The following UNKL variants were observed in gnomAD, a reference collection of about 807,000 sequenced individuals.
UNKL encodes putative E3 ubiquitin-protein ligase UNKL.
In UNKL, 60 loss-of-function variants were observed where a neutral mutation model predicts 78.0. The ratio of observed to expected loss-of-function variants is 0.77; its 90% confidence interval spans 0.63 to 0.95. UNKL has a LOEUF of 0.95. Ranked by LOEUF, UNKL falls within the 40% of genes least tolerant of loss-of-function variation. The probability of loss-of-function intolerance (pLI) is 0.00; values close to 1 mark genes in which losing one functional copy is unlikely to be tolerated. For missense variants in UNKL, 1,159 were observed against 1,045.7 expected (o/e 1.11, Z -1.49); for synonymous variants, 608 against 474.8 (o/e 1.28, Z -3.65).
At chr16:1,410,267 G>GAAA (rs57597459) in intron 2 of UNKL, among the ~76,000 whole-genome samples, 18 of 101,448 alleles carry the variant, frequency 1.8e-4, no homozygotes, top group African/African-American at 6.3e-4. Flanking sequence ...CCCTGTCTCA[G>GAAA]AAAAAAAAAA....
rs140321695 is a variant in UNKL, at chr16:1,399,622, G to A, written c.599-113C>T. ...CCCCAAATGGAAGGGGCTGCAGGAG[G>A]ACTTGGGGAGCGCAGACACACGCCA... On this transcript the variant is annotated intron_variant, in intron 4 of 14. Coordinates refer to ENST00000389221, the MANE Select transcript of UNKL (RefSeq NM_001372107.1). The surrounding 1 kb of genome is among the most constrained non-coding windows in gnomAD (Gnocchi z 5.8). The A allele has an allele frequency of 1.9e-5, 28 of 1,477,892 alleles. No homozygotes were observed. The highest frequency in any genetic ancestry group is 1.6e-4 in the South Asian group (13 of 82,126). 91.5% of individuals were successfully genotyped at this position (1,477,892 alleles called of 1,614,324 possible).
rs550525868 is a variant in UNKL at position 1,385,599 on chromosome 16, C to G, written c.1087-214G>C. 2.0e-5 allele frequency among the ~76,000 whole-genome samples: 3 copies of G among 152,360 alleles called. No individual in the cohort carries two copies. In the South Asian group the frequency reaches 6.2e-4, roughly 32 times the overall value. On this transcript the variant is annotated intron_variant, in intron 9 of 14. Coordinates refer to ENST00000389221, the MANE Select transcript of UNKL (RefSeq NM_001372107.1). Reference sequence around the variant, plus strand: ...CGGGCTACGGTGCACTTGGGACAGGCACAGACACCTCTGGGGAGTGTCTCG... The same window carrying G: ...CGGGCTACGGTGCACTTGGGACAGGGACAGACACCTCTGGGGAGTGTCTCG...
At chr16:1,398,679 G>GCGGGGC in intron 5 of UNKL, 4 of 1,356,294 alleles carry the variant, frequency 2.9e-6, no homozygotes, top group Non-Finnish European at 2.9e-6. Context: ...TGTGGGGTCT[G>GCGGGGC]CACCCCCCCA....
chr16:1,396,921 C>T lies in UNKL; in HGVS notation c.852+257G>A. 7.9e-6 allele frequency: 4 copies of T among 507,992 alleles called. No homozygotes were observed. The East Asian group carries it at 1.4e-4, about 18-fold the overall frequency. The allele number at this position is 507,992 out of a possible 1,614,324, so 31.5% of individuals were successfully genotyped here. The stretch of plus-strand genomic sequence containing the variant: ...GTTTTTAATTGACATTTTCTCTCTG[C>T]TTTTTTCCCACATGACTCTTTCTTC... On this transcript the variant is annotated intron_variant, in intron 6 of 14. Coordinates refer to ENST00000389221, the MANE Select transcript of UNKL (RefSeq NM_001372107.1).
rs1846532933 is a variant in UNKL at position 1,399,702 on chromosome 16, G to A, written c.599-193C>T. The A allele has an allele frequency of 1.2e-6, 1 of 813,546 alleles. No homozygotes were observed. The highest frequency in any genetic ancestry group is 1.9e-6 in the Non-Finnish European group (1 of 530,092). 50.4% of individuals were successfully genotyped at this position (813,546 alleles called of 1,614,324 possible). ...CTCCATGAGGGAAGCCGGGCCAGAA[G>A]GCCACGTGGTGTGATTCTGTTTATG... is the stretch of plus-strand genomic sequence containing the variant. On this transcript the variant is annotated intron_variant, in intron 4 of 14. Transcript: ENST00000389221. The surrounding 1 kb of genome is among the most constrained non-coding windows in gnomAD (Gnocchi z 5.8).
chr16:1,402,071 G>A (rs1051695307), intron 3 of UNKL, among the ~76,000 whole-genome samples: 3 of 152,358 alleles, frequency 2.0e-5, no homozygotes, highest in East Asian at 1.9e-4. Context: ...CCCCACCCAA[G>A]TAAGAGCGGA....
In UNKL at chr16:1,388,756, C is replaced by T. The variant is rs542354590; in HGVS notation, c.1086+1876G>A. On this transcript the variant is annotated intron_variant, in intron 9 of 14. Coordinates refer to ENST00000389221, the MANE Select transcript of UNKL (RefSeq NM_001372107.1). The stretch of plus-strand genomic sequence containing the variant: ...ACCGGCACCGTTCTCCCCGTGGGGA[C>T]GCCACACCTCCGCTACCACCAGCAC... 2.8e-3 allele frequency among the ~76,000 whole-genome samples: 420 copies of T among 152,120 alleles called. 7 individuals are homozygous for T. Among genetic ancestry groups the T allele is most frequent in the African/African-American group, 9.8e-3 (405 of 41,486 alleles).
Position 1,367,818 on chromosome 16 carries a change from G to A in UNKL, c.1626C>T (p.Ser542=), listed in dbSNP as rs374753897. The A allele has an allele frequency of 2.9e-5, 45 of 1,575,260 alleles. No individual in the cohort carries two copies. Among genetic ancestry groups the A allele is most frequent in the Middle Eastern group, 1.7e-4 (1 of 6,018 alleles). Reference sequence around the variant, plus strand: ...GGGAGGGGCTGGGGGAGAAGCTGCCGGAAACAAAGTCCCAGATGCTCCCGG... The same window carrying A: ...GGGAGGGGCTGGGGGAGAAGCTGCCAGAAACAAAGTCCCAGATGCTCCCGG... ...GVPGSIWDFV[S]GSFSPSPSPI... The change falls in exon 13 of 15, where the codon TCC becomes TCT. Residue 542 remains serine (S), a synonymous_variant. Transcript: ENST00000389221.
intron 13 of UNKL, 60 bp downstream of exon 13, chr16:1,367,596 C>T: frequency 7.9e-7 from 1 of 1,272,184 alleles, no homozygotes; most frequent in South Asian, 1.5e-5. Context: ...CCCACACGCT[C>T]ACCTGAGTCC....
chr16:1,402,193 A>G (rs146568820), intron 3 of UNKL, among the ~76,000 whole-genome samples: 136 of 147,124 alleles, frequency 9.2e-4, no homozygotes, highest in African/African-American at 3.2e-3. Flanking sequence ...TGCCCTCCGG[A>G]CCCAGAAGAG....
chr16:1,385,657 GAC>G (rs1403026474), intron 9 of UNKL, among the ~76,000 whole-genome samples: 1 of 152,254 alleles, frequency 6.6e-6, no homozygotes, highest in Non-Finnish European at 1.5e-5. Flanking sequence ...TTCAGGAGTA[GAC>G]ATTTGCCAGT....
In UNKL at chr16:1,393,022, G is replaced by A. The variant is rs185636125; in HGVS notation, c.938-46C>T. The A allele has an allele frequency of 1.0e-5, 16 of 1,534,184 alleles. No homozygotes were observed. The South Asian group carries it at 1.3e-4, about 13-fold the overall frequency. ...CAGACTCTGAGGGCCGCTGGTGGGC[G>A]ACAGTGACACGCAGAAGTCTCCGCA... On this transcript the variant is annotated intron_variant, in intron 7 of 14. Transcript: ENST00000389221.
chr16:1,376,840 G>A (rs965905127), intron 10 of UNKL, among the ~76,000 whole-genome samples: 6 of 152,104 alleles, frequency 3.9e-5, no homozygotes, highest in African/African-American at 1.4e-4. Flanking sequence ...ATAGATTTCA[G>A]CACCGCACAG....
chr16:1,398,072 A>G (rs1360176585), intron 5 of UNKL, among the ~76,000 whole-genome samples: 1 of 152,236 alleles, frequency 6.6e-6, no homozygotes, highest in East Asian at 1.9e-4. Flanking sequence ...GGGGAGAAGC[A>G]GCCGAACCTC....
intron 2 of UNKL, among the ~76,000 whole-genome samples, chr16:1,409,177 G>C (rs1020390816): frequency 1.3e-5 from 2 of 152,182 alleles, no homozygotes; most frequent in African/African-American, 4.8e-5. Context: ...CTCCCAAAGT[G>C]CTGGGATTAC....
intron 9 of UNKL, among the ~76,000 whole-genome samples, chr16:1,388,273 A>G (rs1344228964): frequency 2.6e-5 from 4 of 152,108 alleles, no homozygotes; most frequent in African/African-American, 9.7e-5. Flanking sequence ...TTTGCCCCCA[A>G]AGCAGCACTG....
intron 9 of UNKL, 178 bp from the exon 10 acceptor site, chr16:1,385,563 C>T (rs955275091): frequency 8.8e-5 from 47 of 535,764 alleles, no homozygotes; most frequent in East Asian, 5.0e-4. Context: ...AACACCAGGA[C>T]GGCAGGGCAG....
intron 2 of UNKL, among the ~76,000 whole-genome samples, chr16:1,411,344 T>G (rs1471799170): frequency 6.7e-6 from 1 of 149,620 alleles, no homozygotes; most frequent in Non-Finnish European, 1.5e-5. Flanking sequence ...AGAGTGAGAC[T>G]CGGTCTCAAA....
intron 10 of UNKL, among the ~76,000 whole-genome samples, chr16:1,381,202 T>C (rs1009719351): frequency 2.6e-5 from 4 of 152,256 alleles, no homozygotes; most frequent in African/African-American, 9.6e-5. Flanking sequence ...CAAGATGGTC[T>C]CTCTTGTTTG....
Sources: allele counts gnomAD v4.1 joint callset (sites outside exome capture counted in the v4.1 genomes callset), GRCh38; gene constraint gnomAD v4.1.1; non-coding constraint Gnocchi (gnomAD v3.1); transcripts MANE v1.5; gene names NCBI Gene and HGNC (gene_info 2026-07-23, HGNC 2026-07-21).